The following WDR37 variants were observed in gnomAD, a reference collection of about 807,000 sequenced individuals.
The protein encoded by WDR37 is WD repeat-containing protein 37.
Under a neutral mutation model 62.9 loss-of-function variants are expected in WDR37, and 19 were observed. The observed-to-expected ratio is 0.30, with a 90% CI of 0.21 to 0.44. The LOEUF (loss-of-function observed/expected upper bound fraction) is 0.44. Among genes scored for constraint, WDR37 ranks in the 20% least tolerant of loss-of-function variants. The pLI is 1.00. For missense variants in WDR37, 474 were observed against 657.6 expected (o/e 0.72, Z 3.05); for synonymous variants, 250 against 260.9 (o/e 0.96, Z 0.40).
intron 11 of WDR37, among the ~76,000 whole-genome samples, chr10:1,108,666 G>A (rs1835100897): frequency 6.6e-6 from 1 of 151,264 alleles, no homozygotes; most frequent in South Asian, 2.1e-4. Flanking sequence ...GTATTAGCGA[G>A]CATAGACACC....
intron 11 of WDR37, among the ~76,000 whole-genome samples, chr10:1,123,639 G>A (rs1033523313): frequency 6.6e-6 from 1 of 152,226 alleles, no homozygotes; most frequent in Non-Finnish European, 1.5e-5. Flanking sequence ...TTTGGCTGTT[G>A]TCAGTAATGC....
chr10:1,105,131 G>A lies in WDR37; in HGVS notation c.967G>A (p.Asp323Asn). The change falls in exon 11 of 14, where the codon GAC becomes AAC. Residue 323 changes from aspartate (D) to asparagine (N), a missense_variant. By Grantham distance (23) the Asp-to-Asn change is conservative. Transcript: ENST00000263150. This position sits in a 1 kb window ranked among gnomAD's most constrained non-coding sequence, Gnocchi z 5.3. ...SELVHSLTGH[D>N]QELTHCCTHP... Reference sequence around the variant, plus strand: ...TTTTGCCATCTTGGTTACAGGGCACGACCAGGAGTTGACGCACTGCTGCAC... The same window carrying A: ...TTTTGCCATCTTGGTTACAGGGCACAACCAGGAGTTGACGCACTGCTGCAC... 1 of 1,613,974 alleles carries A rather than the reference G, an allele frequency of 6.2e-7. No homozygotes were observed. Among genetic ancestry groups the A allele is most frequent in the Non-Finnish European group, 8.5e-7 (1 of 1,179,922 alleles).
At chr10:1,059,398 A>G (rs1297176885) in intron 1 of WDR37, among the ~76,000 whole-genome samples, 1 of 152,112 alleles carries the variant, frequency 6.6e-6, no homozygotes, top group African/African-American at 2.4e-5. Context: ...AATTTGTCGT[A>G]TTGCTGTTTC....
At position 1,080,014 on chromosome 10, in the gene WDR37, G is replaced by T; in HGVS notation, c.239G>T (p.Arg80Leu). Reference sequence around the variant, plus strand: ...TTGAAAACTTTTTTCTTCCCAGTACGTAGAGAAATCGACACTCTTAATGAA... The same window carrying T: ...TTGAAAACTTTTTTCTTCCCAGTACTTAGAGAAATCGACACTCTTAATGAA... Reference protein sequence around the residue: ...ENLYIENLELRREIDTLNERL... With the variant: ...ENLYIENLELLREIDTLNERL... The change falls in exon 4 of 14, where the codon CGT (arginine) becomes CTT (leucine). Residue 80 changes from arginine (R) to leucine (L), a missense_variant. Physicochemically the swap from Arg to Leu is moderately radical, Grantham distance 102. Coordinates refer to ENST00000263150, the MANE Select transcript of WDR37 (RefSeq NM_014023.4). The T allele has an allele frequency of 1.2e-6, 2 of 1,613,864 alleles. No individual in the cohort carries two copies. The highest frequency in any genetic ancestry group is 1.7e-6 in the Non-Finnish European group (2 of 1,179,874).
chr10:1,129,163 C>G lies in WDR37; in HGVS notation c.1354-50C>G, dbSNP rs199518727. ...ATTCATTTCGCTGAGGTCTTATAAT[C>G]TTACTTTCGGGAATAATGCACTGAT... On this transcript the variant is annotated intron_variant, in intron 13 of 13. Coordinates refer to ENST00000263150, the MANE Select transcript of WDR37 (RefSeq NM_014023.4). 956 of 1,600,758 alleles carry G rather than the reference C, an allele frequency of 6.0e-4. 3 individuals are homozygous for G. Among genetic ancestry groups the G allele is most frequent in the Admixed American group, 2.3e-3 (133 of 59,100 alleles).
chr10:1,107,719 C>T (rs1457619255), intron 11 of WDR37, among the ~76,000 whole-genome samples: 1 of 151,360 alleles, frequency 6.6e-6, no homozygotes, highest in Non-Finnish European at 1.5e-5. Flanking sequence ...ACTGCTGTCT[C>T]TCTTTACACA....
intron 3 of WDR37, among the ~76,000 whole-genome samples, chr10:1,079,003 TTGGA>T (rs1833951888): frequency 6.6e-6 from 1 of 152,232 alleles, no homozygotes; most frequent in Admixed American, 6.5e-5. Context: ...AACTTTGCTT[TTGGA>T]AATTTTAATG....
intron 11 of WDR37, among the ~76,000 whole-genome samples, chr10:1,123,603 A>T (rs1835653172): frequency 6.6e-6 from 1 of 152,316 alleles, no homozygotes; most frequent in Admixed American, 6.5e-5. Flanking sequence ...CCATCTGCTG[A>T]TGGACATGTG....
intron 6 of WDR37, among the ~76,000 whole-genome samples, chr10:1,085,665 T>A (rs531139189): frequency 6.6e-6 from 1 of 152,218 alleles, no homozygotes; most frequent in Non-Finnish European, 1.5e-5. Flanking sequence ...ACCATTTGAA[T>A]AGCGAAGAAA....
chr10:1,128,078 T>TA (rs756876942), intron 13 of WDR37, among the ~76,000 whole-genome samples: 46 of 152,238 alleles, frequency 3.0e-4, no homozygotes, highest in Admixed American at 9.8e-4. Context: ...TGGTCTTTCT[T>TA]ATAATTATTT....
intron 7 of WDR37, among the ~76,000 whole-genome samples, chr10:1,092,051 G>C (rs1325854062): frequency 2.5e-4 from 38 of 151,598 alleles, no homozygotes; most frequent in Non-Finnish European, 1.5e-5. Context: ...GTGTTGGCGG[G>C]CGCCTGTGGT....
At chr10:1,106,336 C>G (rs1835020150) in intron 11 of WDR37, among the ~76,000 whole-genome samples, 1 of 152,190 alleles carries the variant, frequency 6.6e-6, no homozygotes, top group Admixed American at 6.5e-5. Context: ...CATGCTCCCC[C>G]TACCTCCCAC....
At chr10:1,089,924 TCTC>T (rs1464547262) in intron 7 of WDR37, among the ~76,000 whole-genome samples, 5 of 152,196 alleles carry the variant, frequency 3.3e-5, no homozygotes, top group Non-Finnish European at 7.3e-5. Flanking sequence ...TGCGTGTGTC[TCTC>T]CTCTTCCTCC....
rs1835909988 is a variant in WDR37, at chr10:1,129,445, C to G, written c.*101C>G. 11 of 1,527,128 alleles carry G rather than the reference C, an allele frequency of 7.2e-6. No homozygotes were observed. The highest frequency in any genetic ancestry group is 8.9e-6 in the Non-Finnish European group (10 of 1,122,766). 94.6% of individuals were successfully genotyped at this position (1,527,128 alleles called of 1,614,324 possible). On this transcript the variant is annotated 3_prime_UTR_variant, in exon 14 of 14. Coordinates refer to ENST00000263150, the MANE Select transcript of WDR37 (RefSeq NM_014023.4). ...CAGCCATTTTTGTGAGAGTTTGACC[C>G]TGGAAAGGGTGCTTTGTATATGTTC... is the stretch of plus-strand genomic sequence containing the variant.
intron 9 of WDR37, among the ~76,000 whole-genome samples, chr10:1,097,145 T>C (rs140040653): frequency 5.9e-5 from 9 of 151,788 alleles, no homozygotes; most frequent in African/African-American, 2.2e-4. Flanking sequence ...TCCGAAAGAG[T>C]TGTTAAGGGA....
In WDR37 at chr10:1,103,392, C is replaced by A. The variant is rs928948887; in HGVS notation, c.727-210C>A. On this transcript the variant is annotated intron_variant, in intron 9 of 13. Transcript: ENST00000263150. This position sits in a 1 kb window ranked among gnomAD's most constrained non-coding sequence, Gnocchi z 6.3. ...CACTTTTTTTTCTGTACGAGATGGTCGTAGAGTTGATGGGTGTTCACGGGC... is the reference window on the plus strand; with the variant it reads ...CACTTTTTTTTCTGTACGAGATGGTAGTAGAGTTGATGGGTGTTCACGGGC... Among the ~76,000 whole-genome samples the A allele has an allele frequency of 3.9e-5, 6 of 151,948 alleles. No individual in the cohort carries two copies. Among genetic ancestry groups the A allele is most frequent in the African/African-American group, 1.2e-4 (5 of 41,334 alleles).
intron 1 of WDR37, among the ~76,000 whole-genome samples, chr10:1,069,245 C>T (rs1173890510): frequency 1.3e-5 from 2 of 150,590 alleles, no homozygotes; most frequent in African/African-American, 2.4e-5. Flanking sequence ...ATACATTTAC[C>T]CTGTGACTGA....
At chr10:1,124,413 T>C in intron 12 of WDR37, 61 bp downstream of exon 12, 1 of 1,604,168 alleles carries the variant, frequency 6.2e-7, no homozygotes, top group Non-Finnish European at 8.5e-7. Flanking sequence ...TTGATTGTGA[T>C]TTCATGTTTT....
chr10:1,062,704 C>G (rs1833411936), intron 1 of WDR37, among the ~76,000 whole-genome samples: 1 of 152,176 alleles, frequency 6.6e-6, no homozygotes, highest in Non-Finnish European at 1.5e-5. Flanking sequence ...AAAGATGATT[C>G]TTGGCTTTCT....
Sources: allele counts gnomAD v4.1 joint callset (sites outside exome capture counted in the v4.1 genomes callset), GRCh38; gene constraint gnomAD v4.1.1; non-coding constraint Gnocchi (gnomAD v3.1); transcripts MANE v1.5; gene names NCBI Gene and HGNC (gene_info 2026-07-23, HGNC 2026-07-21).